ANKRD33B: variants seen among roughly 807,000 people sequenced by gnomAD.
ANKRD33B encodes ankyrin repeat domain 33B.
A neutral mutation model predicts 21.5 loss-of-function variants in ANKRD33B; 6 were observed. The observed-to-expected ratio is 0.28, with a 90% CI of 0.15 to 0.55. The LOEUF (loss-of-function observed/expected upper bound fraction) is 0.55, where lower values mean the gene tolerates loss of function less well. Among genes scored for constraint, ANKRD33B ranks in the 20% least tolerant of loss-of-function variants. The probability of loss-of-function intolerance (pLI) is 0.94; values close to 1 mark genes in which losing one functional copy is unlikely to be tolerated. For synonymous variants in ANKRD33B, 347 were observed against 342.4 expected (o/e 1.01, Z -0.15); for missense variants, 698 against 747.2 (o/e 0.93, Z 0.77).
Position 10,650,137 on chromosome 5 carries a change from G to A in ANKRD33B, c.*24G>A, listed in dbSNP as rs935006205. 18 of 1,453,018 alleles carry A rather than the reference G, an allele frequency of 1.2e-5. No homozygotes were observed. Among genetic ancestry groups the A allele is most frequent in the Admixed American group, 2.5e-5 (1 of 40,756 alleles). The allele number at this position is 1,453,018 out of a possible 1,614,324, so 90.0% of individuals were successfully genotyped here. ...GAGGGCCCGTGTGCCTGGCGCTGGG[G>A]CCGGGGCTGGGGCCGGGGCGGGGCC... is the stretch of plus-strand genomic sequence containing the variant. On this transcript the variant is annotated 3_prime_UTR_variant, in exon 4 of 4. Transcript: ENST00000296657.
At chr5:10,577,720 CAT>C (rs1351999764) in intron 1 of ANKRD33B, among the ~76,000 whole-genome samples, 2 of 152,240 alleles carry the variant, frequency 1.3e-5, no homozygotes, top group Non-Finnish European at 2.9e-5. Flanking sequence ...GCAGCAGTGA[CAT>C]AGCTCCGCAG....
chr5:10,654,980 C>T lies in ANKRD33B; in HGVS notation c.*4867C>T, dbSNP rs891578446. The T allele has an allele frequency of 2.6e-5, 4 of 152,392 alleles. No homozygotes were observed. Among genetic ancestry groups the T allele is most frequent in the Non-Finnish European group, 5.9e-5 (4 of 68,078 alleles). The allele number at this position is 152,392 out of a possible 1,614,324, so 9.4% of individuals were successfully genotyped here. A position where few individuals can be genotyped will look rare whatever the true frequency, so the allele number is the denominator to read the frequency against. ...TGGACATCTTCCTTCCTCTCAGGCT[C>T]CTCCTGACAGACTCCTGGCAGCACT... On this transcript the variant is annotated 3_prime_UTR_variant, in exon 4 of 4. Coordinates refer to ENST00000296657, the MANE Select transcript of ANKRD33B (RefSeq NM_001164440.2).
intron 1 of ANKRD33B, among the ~76,000 whole-genome samples, chr5:10,591,057 C>G (rs1735674329): frequency 6.6e-6 from 1 of 152,044 alleles, no homozygotes; most frequent in Admixed American, 6.6e-5. Flanking sequence ...TTTCTTTACA[C>G]TGTTTTGCTG....
rs1044826651 is a variant in ANKRD33B at position 10,649,407 on chromosome 5, G to T, written c.779G>T (p.Arg260Leu). 5.9e-6 allele frequency: 9 copies of T among 1,535,328 alleles called. No individual in the cohort carries two copies. The highest frequency in any genetic ancestry group is 1.7e-4 in the Middle Eastern group (1 of 5,806). The change falls in exon 4 of 4, where the codon CGG becomes CTG. Residue 260 changes from arginine to leucine, a missense_variant. Around this residue, in one of 3 missense-constraint regions of ANKRD33B, gnomAD observed 543 missense variants for 566.5 expected, o/e 0.96. Coordinates refer to ENST00000296657, the MANE Select transcript of ANKRD33B (RefSeq NM_001164440.2). Reference sequence around the variant, plus strand: ...CCGGAGCAGTTCTGGGAGAAGTACCGGCCCGAGCTGCCGCCGCCCCCTGAA... The same window carrying T: ...CCGGAGCAGTTCTGGGAGAAGTACCTGCCCGAGCTGCCGCCGCCCCCTGAA... ...PCPEQFWEKYRPELPPPPEAA... is the reference protein window; with the variant it reads ...PCPEQFWEKYLPELPPPPEAA...
chr5:10,632,320 A>G (rs7724857), intron 2 of ANKRD33B, among the ~76,000 whole-genome samples: 27,912 of 151,422 alleles, frequency 0.18, 2,852 homozygotes, highest in South Asian at 0.32. Flanking sequence ...AAAATTTAAC[A>G]TTTTCCCCAT....
At chr5:10,586,770 T>C (rs1735573516) in intron 1 of ANKRD33B, among the ~76,000 whole-genome samples, 1 of 152,178 alleles carries the variant, frequency 6.6e-6, no homozygotes, top group Non-Finnish European at 1.5e-5. Context: ...GGGACATTAC[T>C]CATTTGTTTC....
chr5:10,579,586 G>A (rs4702703), intron 1 of ANKRD33B, among the ~76,000 whole-genome samples: 136,534 of 152,156 alleles, frequency 0.9, 61,263 homozygotes, highest in Middle Eastern at 0.96. Flanking sequence ...AAATTAATCA[G>A]TGCACATATA....
chr5:10,618,561 T>A (rs1278144738), intron 2 of ANKRD33B, 99 bp downstream of exon 2: 8 of 1,412,564 alleles, frequency 5.7e-6, no homozygotes, highest in Non-Finnish European at 7.5e-6. Context: ...ATGGAAATGA[T>A]CAGAGACCAT....
At chr5:10,571,232 C>T (rs1461275212) in intron 1 of ANKRD33B, among the ~76,000 whole-genome samples, 3 of 151,930 alleles carry the variant, frequency 2.0e-5, no homozygotes, top group South Asian at 4.2e-4. Flanking sequence ...AGATGGATCT[C>T]GCTCTGTTGC....
chr5:10,638,069 G>C lies in ANKRD33B; in HGVS notation c.538G>C (p.Gly180Arg), dbSNP rs1007279478. ...TAACTACTTGTTGAACTATTTCCCT[G>C]GTCTTGACCTTGAAAGGAGGAACGC... ...ITNYLLNYFP[G>R]LDLERRNAFG... The change falls in exon 3 of 4, where the codon GGT becomes CGT. Residue 180 changes from glycine to arginine, a missense_variant. Coordinates refer to ENST00000296657, the MANE Select transcript of ANKRD33B (RefSeq NM_001164440.2). 1.3e-6 allele frequency: 2 copies of C among 1,537,486 alleles called. No individual in the cohort carries two copies. Among genetic ancestry groups the C allele is most frequent in the East Asian group, 4.9e-5 (2 of 41,038 alleles).
intron 2 of ANKRD33B, among the ~76,000 whole-genome samples, chr5:10,622,319 C>T (rs767268148): frequency 8.5e-5 from 13 of 152,158 alleles, no homozygotes; most frequent in East Asian, 1.9e-4. Context: ...GCTCAGTTTC[C>T]AGCTATGAAC....
At chr5:10,612,946 T>G in intron 1 of ANKRD33B, among the ~76,000 whole-genome samples, 1 of 152,216 alleles carries the variant, frequency 6.6e-6, no homozygotes, top group Non-Finnish European at 1.5e-5. Context: ...ATTGCTGGTG[T>G]TATTATGGGG....
chr5:10,597,759 A>G (rs901101431), intron 1 of ANKRD33B, among the ~76,000 whole-genome samples: 1 of 152,186 alleles, frequency 6.6e-6, no homozygotes, highest in African/African-American at 2.4e-5. Context: ...CATGGCACTT[A>G]CTCTAAAGTT....
At chr5:10,620,530 G>A (rs11749155) in intron 2 of ANKRD33B, among the ~76,000 whole-genome samples, 32,668 of 152,044 alleles carry the variant, frequency 0.21, 3,765 homozygotes, top group Non-Finnish European at 0.25. Flanking sequence ...GAGAATGTAC[G>A]ATAAGAGGGG....
intron 2 of ANKRD33B, among the ~76,000 whole-genome samples, chr5:10,626,814 A>G (rs767541628): frequency 4.6e-5 from 7 of 152,218 alleles, no homozygotes; most frequent in Non-Finnish European, 1.0e-4. Context: ...CCATCTCACC[A>G]ACCAGGGTTG....
At position 10,649,912 on chromosome 5, in the gene ANKRD33B, C is replaced by G; in HGVS notation, c.1284C>G (p.Val428=). The part of the protein sequence containing the change: ...RPGVVVPRVR[V]SKAPAPTFQP... ...GTGTGGTGGTGCCCCGGGTCCGAGT[C>G]AGCAAGGCGCCCGCGCCCACCTTCC... The change falls in exon 4 of 4, where the codon GTC becomes GTG. Residue 428 remains valine (V), a synonymous_variant. Coordinates refer to ENST00000296657, the MANE Select transcript of ANKRD33B (RefSeq NM_001164440.2). 1 of 1,519,614 alleles carries G rather than the reference C, an allele frequency of 6.6e-7. No homozygotes were observed. The highest frequency in any genetic ancestry group is 2.5e-5 in the East Asian group (1 of 39,396). The allele number at this position is 1,519,614 out of a possible 1,614,324, so 94.1% of individuals were successfully genotyped here.
At chr5:10,583,995 G>A (rs993141094) in intron 1 of ANKRD33B, among the ~76,000 whole-genome samples, 5 of 152,274 alleles carry the variant, frequency 3.3e-5, no homozygotes, top group Non-Finnish European at 5.9e-5. Flanking sequence ...TCGGTCTTTC[G>A]AGGACATCCT....
rs946654136 is a variant in ANKRD33B, at chr5:10,651,204, T to G, written c.*1091T>G. 7 of 152,364 alleles carry G rather than the reference T, an allele frequency of 4.6e-5. No individual in the cohort carries two copies. The highest frequency in any genetic ancestry group is 1.0e-4 in the Non-Finnish European group (7 of 68,044). The allele number at this position is 152,364 out of a possible 1,614,324, so 9.4% of individuals were successfully genotyped here. ...GACTGGGCAGCCCCCTCCTCCAGGC[T>G]CAGTTCCAAAGAGTCCGTTGTGTGG... On this transcript the variant is annotated 3_prime_UTR_variant, in exon 4 of 4. Coordinates refer to ENST00000296657, the MANE Select transcript of ANKRD33B (RefSeq NM_001164440.2).
chr5:10,634,350 TGTTCTGGG>T (rs60901832), intron 2 of ANKRD33B, among the ~76,000 whole-genome samples: 68,772 of 150,546 alleles, frequency 0.46, 16,027 homozygotes, highest in Middle Eastern at 0.56. Context: ...GGAGAGGGGG[TGTTCTGGG>T]GTTCTCTAGG....
Sources: allele counts gnomAD v4.1 joint callset (sites outside exome capture counted in the v4.1 genomes callset), GRCh38; gene constraint gnomAD v4.1.1; regional missense constraint gnomAD v4.1.1; transcripts MANE v1.5; gene names NCBI Gene and HGNC (gene_info 2026-07-23, HGNC 2026-07-21).